The following RYK variants were observed in gnomAD, a reference collection of about 807,000 sequenced individuals.
RYK encodes receptor like tyrosine kinase, also known as inactive tyrosine-protein kinase RYK.
RYK carries 21 observed loss-of-function variants against 70.2 expected under a neutral mutation model. The ratio of observed to expected loss-of-function variants is 0.30; its 90% CI spans 0.21 to 0.43. The LOEUF is 0.43. RYK is among the 20% of genes least tolerant of loss of function. The probability of loss-of-function intolerance (pLI) is 1.00; values close to 1 mark genes in which losing one functional copy is unlikely to be tolerated. For missense variants in RYK, 604 were observed against 753.3 expected (o/e 0.80, Z 2.32); for synonymous variants, 267 against 278.0 (o/e 0.96, Z 0.39).
chr3:134,243,264 G>C (rs1446063778), intron 1 of RYK, among the ~76,000 whole-genome samples: 1 of 152,134 alleles, frequency 6.6e-6, no homozygotes, highest in African/African-American at 2.4e-5. Flanking sequence ...TAGCCCTAAA[G>C]TCTCTTCTAC....
chr3:134,224,452 G>A (rs2107686576), intron 1 of RYK, among the ~76,000 whole-genome samples: 2 of 152,310 alleles, frequency 1.3e-5, no homozygotes, highest in Middle Eastern at 6.8e-3. Context: ...CAGGTGTACA[G>A]GATGGAACAT....
In RYK at chr3:134,202,793, A is replaced by G. The variant is rs2014067238; in HGVS notation, c.725T>C (p.Leu242Pro). The stretch of plus-strand genomic sequence containing the variant: ...CAAAACAGCTAATATTATTGCTACG[A>G]GAAATATTACTGCACAACAAACCCC... ...SVGVCCAVIF[L>P]VAIILAVLHL... The change falls in exon 6 of 15, where the codon CTC becomes CCC. Residue 242 changes from leucine (L) to proline (P), a missense_variant. Leu to Pro is a moderately conservative substitution (Grantham distance 98). Transcript: ENST00000623711. The G allele has an allele frequency of 1.2e-6, 2 of 1,613,488 alleles. No individual in the cohort carries two copies. Among genetic ancestry groups the G allele is most frequent in the South Asian group, 1.1e-5 (1 of 91,066 alleles).
chr3:134,223,606 T>TA (rs201690262), intron 1 of RYK, among the ~76,000 whole-genome samples: 9,177 of 132,464 alleles, frequency 0.069, 327 homozygotes, highest in African/African-American at 0.093. Flanking sequence ...TTGAGAAATG[T>TA]AAAAAAAAAA....
chr3:134,161,303 T>G lies in RYK; in HGVS notation c.1576-1930A>C, dbSNP rs574675953. Among the ~76,000 whole-genome samples the G allele has an allele frequency of 1.1e-3, 165 of 152,184 alleles. 3 individuals carry two copies. The highest frequency in any genetic ancestry group is 3.8e-3 in the African/African-American group (158 of 41,510). On this transcript the variant is annotated intron_variant, in intron 13 of 14. Transcript: ENST00000623711. The stretch of plus-strand genomic sequence containing the variant: ...AAGGTTTACACTATAAAGCCTAGAG[T>G]AGGTTTTTTAACCTCAGCACTACTG...
chr3:134,205,848 G>A (rs1455725965), intron 5 of RYK, among the ~76,000 whole-genome samples: 1 of 152,120 alleles, frequency 6.6e-6, no homozygotes, highest in African/African-American at 2.4e-5. Context: ...CCCGAGGAAA[G>A]GATCTCTTTG....
In RYK at chr3:134,195,987, A is replaced by T. The variant is rs116811983; in HGVS notation, c.789-805T>A. 3.2e-3 allele frequency among the ~76,000 whole-genome samples: 494 copies of T among 152,210 alleles called. 2 individuals carry two copies. The highest frequency in any genetic ancestry group is 0.011 in the African/African-American group (459 of 41,538). ...TCAAATTTGGTTCAAGTTTATTTAA[A>T]CACAATACATTTTGCTTCTTCTACT... On this transcript the variant is annotated intron_variant, in intron 6 of 14. Coordinates refer to ENST00000623711, the MANE Select transcript of RYK (RefSeq NM_002958.4).
chr3:134,231,931 C>A (rs1407342891), intron 1 of RYK, among the ~76,000 whole-genome samples: 2 of 152,184 alleles, frequency 1.3e-5, no homozygotes, highest in Non-Finnish European at 2.9e-5. Context: ...GGCAGACTCC[C>A]AATGTCCCTG....
intron 6 of RYK, among the ~76,000 whole-genome samples, chr3:134,197,222 C>A (rs529661105): frequency 2.0e-5 from 3 of 152,192 alleles, no homozygotes; most frequent in South Asian, 4.2e-4. Flanking sequence ...TTTGGCTCAA[C>A]GTTATTACAG....
intron 1 of RYK, among the ~76,000 whole-genome samples, chr3:134,228,636 T>TA (rs762946666): frequency 5.3e-4 from 80 of 151,422 alleles, no homozygotes; most frequent in Non-Finnish European, 9.3e-4. Flanking sequence ...GTGGAATCTT[T>TA]AAAAAAAAGA....
chr3:134,176,135 A>C (rs903429114), intron 11 of RYK, 96 bp from the exon 12 acceptor site: 4 of 746,556 alleles, frequency 5.4e-6, no homozygotes, highest in African/African-American at 5.3e-5. Flanking sequence ...CCATCCAAAA[A>C]TACTGCTTTA....
At chr3:134,164,788 C>T (rs2012603307) in intron 13 of RYK, among the ~76,000 whole-genome samples, 3 of 152,188 alleles carry the variant, frequency 2.0e-5, no homozygotes. Flanking sequence ...ACATATTTAA[C>T]ATTTTAAGAA....
intron 2 of RYK, among the ~76,000 whole-genome samples, chr3:134,217,295 C>T (rs7631521): frequency 0.62 from 94,229 of 151,994 alleles, 29,542 homozygotes; most frequent in Middle Eastern, 0.78. Context: ...AGCCACGGCC[C>T]TCCTTCTGAA....
At chr3:134,183,199 A>G (rs2013356053) in intron 9 of RYK, 128 bp from the exon 10 acceptor site, 2 of 458,218 alleles carry the variant, frequency 4.4e-6, no homozygotes, top group African/African-American at 2.0e-5. Flanking sequence ...GTTACAGGTA[A>G]ATCTAAATAG....
chr3:134,159,098 T>C, intron 14 of RYK, 139 bp downstream of exon 14: 2 of 916,048 alleles, frequency 2.2e-6, no homozygotes, highest in Non-Finnish European at 3.4e-6. Flanking sequence ...TGGTTTTTTA[T>C]AAGAGTCTAA....
At chr3:134,222,604 A>G in intron 1 of RYK, 65 bp from the exon 2 acceptor site, 3 of 1,312,254 alleles carry the variant, frequency 2.3e-6, no homozygotes, top group Non-Finnish European at 3.2e-6. Context: ...CCCTATCAGT[A>G]TTTCAAATAC....
chr3:134,202,196 T>G (rs1002521825), intron 6 of RYK, among the ~76,000 whole-genome samples: 2 of 152,208 alleles, frequency 1.3e-5, no homozygotes. Context: ...GGAAGCTTTA[T>G]GAAAAATACT....
chr3:134,247,233 A>C (rs2015489204), intron 1 of RYK, among the ~76,000 whole-genome samples: 1 of 152,212 alleles, frequency 6.6e-6, no homozygotes, highest in East Asian at 1.9e-4. Flanking sequence ...GAGAGAAATG[A>C]GAAAGAGCTC....
Position 134,178,015 on chromosome 3 carries a change from A to T in RYK, c.1231T>A (p.Leu411Met). The T allele has an allele frequency of 6.2e-7, 1 of 1,609,340 alleles. No individual in the cohort carries two copies. Among genetic ancestry groups the T allele is most frequent in the Admixed American group, 1.7e-5 (1 of 59,962 alleles). Residue 411 changes from leucine (L) to methionine (M), a missense_variant, in exon 11 of 15, where the codon TTG becomes ATG. Around this residue, in one of 2 missense-constraint regions of RYK, gnomAD observed 466 missense variants for 535.9 expected, o/e 0.87. Coordinates refer to ENST00000623711, the MANE Select transcript of RYK (RefSeq NM_002958.4). ...IEEGEKPMVILPYMNWGNLKL... is the reference protein window; with the variant it reads ...IEEGEKPMVIMPYMNWGNLKL... Reference sequence around the variant, plus strand: ...AGATTCCCCCAATTCATGTAAGGCAATATCACCATGGGCTTTTCTCCTTCT... The same window carrying T: ...AGATTCCCCCAATTCATGTAAGGCATTATCACCATGGGCTTTTCTCCTTCT...
chr3:134,220,190 G>C (rs750722561), intron 2 of RYK, among the ~76,000 whole-genome samples: 20 of 152,082 alleles, frequency 1.3e-4, no homozygotes, highest in Non-Finnish European at 2.6e-4. Context: ...AAAATGTTAA[G>C]GTCAAAAAAC....
Sources: gnomAD v4.1 joint callset for allele counts (sites outside exome capture counted in the v4.1 genomes callset) on GRCh38, gnomAD v4.1.1 for gene constraint, gnomAD v4.1.1 regional missense constraint, MANE v1.5 for transcripts, NCBI Gene and HGNC (gene_info 2026-07-23, HGNC 2026-07-21) for gene names.